Variants in VEGFD observed in about 807,000 individuals in gnomAD.
VEGFD encodes c-fos induced growth factor (vascular endothelial growth factor D).
A neutral mutation model predicts 28.0 loss-of-function variants in VEGFD; 26 were observed. The observed-to-expected ratio is 0.93, with a 90% CI of 0.68 to 1.29. The LOEUF (loss-of-function observed/expected upper bound fraction) is 1.29. Ranked by LOEUF, VEGFD falls within the 50% of genes most tolerant of loss-of-function variation. The probability of loss-of-function intolerance (pLI) is 0.00; values close to 1 mark genes in which losing one functional copy is unlikely to be tolerated. For missense variants in VEGFD, 294 were observed against 273.4 expected (o/e 1.08, Z -0.53); for synonymous variants, 93 against 95.5 (o/e 0.97, Z 0.15).
chrX:15,360,213 A>G (rs933631509), intron 2 of VEGFD, among the ~76,000 whole-genome samples: 1 of 110,715 alleles, frequency 9.0e-6, no homozygotes, highest in African/African-American at 3.3e-5. Flanking sequence ...TTTTTTTCAT[A>G]TGTTGCTTCT....
intron 1 of VEGFD, among the ~76,000 whole-genome samples, chrX:15,367,131 G>A (rs1292437052): frequency 8.9e-6 from 1 of 111,971 alleles, no homozygotes; most frequent in Non-Finnish European, 1.9e-5. Context: ...TTTGACATAA[G>A]TGCCAGAGAT....
At chrX:15,374,960 T>C (rs1035558620) in intron 1 of VEGFD, among the ~76,000 whole-genome samples, 7 of 110,952 alleles carry the variant, frequency 6.3e-5, no homozygotes, top group African/African-American at 2.3e-4. Context: ...ACACAATAAA[T>C]GTTGCATTCC....
chrX:15,374,017 C>G (rs1031362407), intron 1 of VEGFD, among the ~76,000 whole-genome samples: 4 of 111,487 alleles, frequency 3.6e-5, no homozygotes, highest in African/African-American at 1.3e-4. Context: ...CCATAGCTCT[C>G]AGTTGGAAAT....
At chrX:15,353,190 C>T in intron 4 of VEGFD, 22 bp from the exon 5 acceptor site, 1 of 948,666 alleles carries the variant, frequency 1.1e-6, no homozygotes, top group Non-Finnish European at 1.5e-6. Context: ...AAACAATGAA[C>T]CAGATTTAAA....
chrX:15,365,687 AT>A (rs1422754114), intron 1 of VEGFD, among the ~76,000 whole-genome samples: 1 of 111,679 alleles, frequency 9.0e-6, no homozygotes, highest in East Asian at 2.8e-4. Flanking sequence ...AGCCATTATC[AT>A]TTTCATTATT....
At chrX:15,363,020 T>C in intron 2 of VEGFD, 89 bp downstream of exon 2, 1 of 832,543 alleles carries the variant, frequency 1.2e-6, no homozygotes, top group Non-Finnish European at 1.8e-6. Flanking sequence ...CTGACACGTG[T>C]CTGCCCTACG....
intron 1 of VEGFD, among the ~76,000 whole-genome samples, chrX:15,371,164 G>C (rs1923299431): frequency 9.0e-6 from 1 of 111,705 alleles, no homozygotes; most frequent in East Asian, 2.8e-4. Context: ...TTTGAGAAGG[G>C]TTTAAAGCAG....
At chrX:15,372,059 T>C (rs766764570) in intron 1 of VEGFD, among the ~76,000 whole-genome samples, 6 of 111,823 alleles carry the variant, frequency 5.4e-5, no homozygotes, top group East Asian at 2.8e-4. Flanking sequence ...AATTGTGAGA[T>C]TGATGCTTAA....
intron 1 of VEGFD, among the ~76,000 whole-genome samples, chrX:15,364,153 C>T (rs1413980478): frequency 1.8e-5 from 2 of 111,843 alleles, no homozygotes; most frequent in Non-Finnish European, 3.8e-5. Flanking sequence ...GATATCAAGC[C>T]CCTGATAACC....
intron 1 of VEGFD, among the ~76,000 whole-genome samples, chrX:15,372,477 GCTT>G (rs1397578225): frequency 3.6e-5 from 4 of 110,690 alleles, no homozygotes; most frequent in South Asian, 3.7e-4. Flanking sequence ...CAAAATCTTG[GCTT>G]CTTCTTGAAT....
chrX:15,350,510 C>T (rs1455643239), intron 5 of VEGFD, among the ~76,000 whole-genome samples: 4 of 112,615 alleles, frequency 3.6e-5, no homozygotes, highest in Non-Finnish European at 5.6e-5. Flanking sequence ...CGCAGGGGTT[C>T]CCAGCTTCAA....
intron 1 of VEGFD, among the ~76,000 whole-genome samples, chrX:15,375,399 G>A (rs746915961): frequency 7.8e-4 from 87 of 112,099 alleles, no homozygotes; most frequent in African/African-American, 2.6e-3. Context: ...ATGGTATAGG[G>A]TGTACTAACT....
Position 15,347,226 on chromosome X carries a change from C to T in VEGFD, c.876G>A (p.Glu292=), listed in dbSNP as rs774553099. ...IQHPKNCSCF[E]CKESLETCCQ... ...AGCAGGTCTCCAGACTTTCTTTGCA[C>T]TCAAAGCAACTGCAGTTTTTGGGGT... Residue 292 remains glutamate (E), a synonymous_variant, in exon 6 of 7, where the codon GAG becomes GAA. Coordinates refer to ENST00000297904, the MANE Select transcript of VEGFD (RefSeq NM_004469.5). The T allele has an allele frequency of 5.8e-6, 7 of 1,211,515 alleles. No individual in the cohort carries two copies. Among genetic ancestry groups the T allele is most frequent in the Non-Finnish European group, 6.7e-6 (6 of 895,344 alleles).
chrX:15,363,445 G>T, intron 1 of VEGFD, 126 bp from the exon 2 acceptor site: 1 of 540,012 alleles, frequency 1.9e-6, no homozygotes, highest in Non-Finnish European at 2.9e-6. Context: ...TGAAACGTAT[G>T]CCAGTGCCTA....
intron 1 of VEGFD, among the ~76,000 whole-genome samples, chrX:15,377,408 T>G (rs192782879): frequency 8.9e-6 from 1 of 112,285 alleles, no homozygotes; most frequent in East Asian, 2.8e-4. Flanking sequence ...TTCCGTGCAT[T>G]AAAGGAGGCA....
intron 1 of VEGFD, among the ~76,000 whole-genome samples, chrX:15,364,515 A>G (rs780120009): frequency 8.9e-5 from 10 of 112,510 alleles, no homozygotes; most frequent in Non-Finnish European, 1.7e-4. Flanking sequence ...CAAAGGATGT[A>G]GAGGTATATT....
intron 5 of VEGFD, among the ~76,000 whole-genome samples, chrX:15,349,601 T>C (rs1922638379): frequency 8.9e-6 from 1 of 112,155 alleles, no homozygotes; most frequent in African/African-American, 3.2e-5. Context: ...ATTAAGTATT[T>C]TAAAATACAG....
At chrX:15,368,358 A>T (rs2147746569) in intron 1 of VEGFD, among the ~76,000 whole-genome samples, 1 of 112,579 alleles carries the variant, frequency 8.9e-6, no homozygotes, top group Admixed American at 9.3e-5. Context: ...ATCATAAAAA[A>T]TGCAGTGTTT....
intron 5 of VEGFD, among the ~76,000 whole-genome samples, chrX:15,352,649 G>A (rs1448588513): frequency 8.9e-6 from 1 of 112,168 alleles, no homozygotes; most frequent in East Asian, 2.8e-4. Flanking sequence ...TTAGTAAACT[G>A]CAGTTGACTA....
Sources: allele counts gnomAD v4.1 joint callset (sites outside exome capture counted in the v4.1 genomes callset), GRCh38; gene constraint gnomAD v4.1.1; transcripts MANE v1.5; gene names NCBI Gene and HGNC (gene_info 2026-07-23, HGNC 2026-07-21).